Variants in MAP4 observed in about 807,000 individuals in gnomAD.
MAP4 encodes microtubule-associated protein 4.
In MAP4, 76 loss-of-function variants were observed where a neutral mutation model predicts 170.2. The observed-to-expected ratio is 0.45, with a 90% CI of 0.37 to 0.54. The LOEUF is 0.54. Ranked by LOEUF, MAP4 falls within the 20% of genes least tolerant of loss-of-function variation. The probability of loss-of-function intolerance (pLI) is 0.00; values close to 1 mark genes in which losing one functional copy is unlikely to be tolerated. For missense variants in MAP4, 2,506 were observed against 2,748.0 expected, an observed-to-expected ratio of 0.91 and a Z score of 1.97; for synonymous variants, 909 against 994.5, an observed-to-expected ratio of 0.91 and a Z score of 1.62.
intron 1 of MAP4, among the ~76,000 whole-genome samples, chr3:48,008,111 A>C (rs1347988472): frequency 1.3e-5 from 2 of 152,312 alleles, no homozygotes; most frequent in African/African-American, 4.8e-5. Flanking sequence ...GATTGTGCAC[A>C]GCAGCATTCC....
intron 3 of MAP4, among the ~76,000 whole-genome samples, chr3:47,935,557 A>G (rs1022987089): frequency 6.6e-6 from 1 of 152,094 alleles, no homozygotes; most frequent in African/African-American, 2.4e-5. Context: ...TCCCCACCGA[A>G]GAAGTAGACT....
chr3:48,072,338 C>A (rs977371433), intron 1 of MAP4, among the ~76,000 whole-genome samples: 1 of 151,860 alleles, frequency 6.6e-6, no homozygotes, highest in South Asian at 2.1e-4. Flanking sequence ...GGCAAAACTG[C>A]GTCTCTACAA....
At chr3:47,888,480 T>G (rs2098025010) in intron 10 of MAP4, among the ~76,000 whole-genome samples, 1 of 151,758 alleles carries the variant, frequency 6.6e-6, no homozygotes, top group Admixed American at 6.6e-5. Context: ...CGCGCTGCCT[T>G]AAGAGCTGTA....
At chr3:48,014,468 G>A (rs945407872) in intron 1 of MAP4, among the ~76,000 whole-genome samples, 1 of 152,104 alleles carries the variant, frequency 6.6e-6, no homozygotes, top group Non-Finnish European at 1.5e-5. Context: ...ACAGAGCTTG[G>A]GCAAAATGGC....
intron 3 of MAP4, among the ~76,000 whole-genome samples, chr3:47,939,183 C>T (rs756202315): frequency 1.3e-5 from 2 of 152,202 alleles, no homozygotes; most frequent in Non-Finnish European, 2.9e-5. Flanking sequence ...TCTCTGATGA[C>T]TTTAATGCTC....
At position 47,960,733 on chromosome 3, in the gene MAP4, T is replaced by C. The variant is rs182633690; in HGVS notation, c.292+17132A>G. 156 of 164,566 alleles carry C rather than the reference T, an allele frequency of 9.5e-4. No individual in the cohort carries two copies. In the East Asian group the frequency reaches 0.024, roughly 25 times the overall value. The allele number at this position is 164,566 out of a possible 1,614,324, so 10.2% of individuals were successfully genotyped here. Reference sequence around the variant, plus strand: ...ACACTTCAATACATCAAGAGGACATTAGCACCAATGTAAGATTCTCATGAC... The same window carrying C: ...ACACTTCAATACATCAAGAGGACATCAGCACCAATGTAAGATTCTCATGAC... On this transcript the variant is annotated intron_variant, in intron 3 of 20. Coordinates refer to ENST00000683076, the MANE Select transcript of MAP4 (RefSeq NM_001385682.1).
chr3:47,862,346 CAAAAAAAAAAAAAA>C (rs57751818), intron 17 of MAP4, among the ~76,000 whole-genome samples: 2 of 52,354 alleles, frequency 3.8e-5, no homozygotes, highest in Non-Finnish European at 8.8e-5. Flanking sequence ...GACTGTGTCT[CAAAAAAAAAAAAAA>C]AAAAAAAAAA....
chr3:47,967,281 G>A (rs774263700), intron 3 of MAP4, among the ~76,000 whole-genome samples: 4 of 152,172 alleles, frequency 2.6e-5, no homozygotes, highest in Admixed American at 6.5e-5. Flanking sequence ...GTTGCAGTGA[G>A]CCATGAACGG....
chr3:47,857,502 T>G lies in MAP4; in HGVS notation c.6512A>C (p.Gln2171Pro), dbSNP rs2058572736. Residue 2171 changes from glutamine to proline, a missense_variant, in exon 18 of 21, where the codon CAG becomes CCG. Transcript: ENST00000683076. ...HVPGGGNVQI[Q>P]NKKVDISKVS... ...CTTAGAGATGTCCACTTTCTTGTTC[T>G]GAATCTGAACCTGAAGAGAAGGACA... is the stretch of plus-strand genomic sequence containing the variant. 6.2e-7 allele frequency: 1 copy of G among 1,612,612 alleles called. No homozygotes were observed. Among genetic ancestry groups the G allele is most frequent in the Non-Finnish European group, 8.5e-7 (1 of 1,178,584 alleles).
intron 1 of MAP4, among the ~76,000 whole-genome samples, chr3:48,073,386 G>A (rs2100142025): frequency 6.6e-6 from 1 of 150,674 alleles, no homozygotes; most frequent in South Asian, 2.1e-4. Context: ...TGAGGCGGGT[G>A]GGATCACCTG....
intron 1 of MAP4, among the ~76,000 whole-genome samples, chr3:48,079,151 C>G (rs1309685644): frequency 6.6e-6 from 1 of 151,880 alleles, no homozygotes; most frequent in East Asian, 1.9e-4. Context: ...GGCAACAGAG[C>G]GAGACCCTGT....
Position 47,909,341 on chromosome 3 carries a change from A to C in MAP4, c.5080T>G (p.Ser1694Ala). Reference protein sequence around the residue: ...SVSLPTPEIQSDFLHSKVEAP... With the variant: ...SVSLPTPEIQADFLHSKVEAP... ...TCGACTTTGCTATGTAAGAAATCTG[A>C]CTGGATTTCTGGTGTTGGCAAGGAA... Residue 1694 changes from serine to alanine, a missense_variant, in exon 9 of 21, where the codon TCA becomes GCA. Physicochemically the swap from Ser to Ala is moderately conservative, Grantham distance 99. This residue lies in a region of MAP4 where 2,008 missense variants were observed against 2,206.0 expected (regional missense o/e 0.91). Transcript: ENST00000683076. 1 of 1,613,796 alleles carries C rather than the reference A, an allele frequency of 6.2e-7. No individual in the cohort carries two copies. Among genetic ancestry groups the C allele is most frequent in the Non-Finnish European group, 8.5e-7 (1 of 1,179,784 alleles).
chr3:47,877,202 A>G (rs901224449), intron 11 of MAP4: 2 of 465,638 alleles, frequency 4.3e-6, no homozygotes, highest in East Asian at 4.1e-5. Context: ...TTACAGATAT[A>G]TAAGATAATA....
rs1163683050 is a variant in MAP4 at position 48,003,157 on chromosome 3, TA to T, written c.-19-4279del. ...TAAAGAAGCTGTTGAATCTTCTCCA[TA>T]AAAAAGTAAATATGGGCCGGGCGCA... On this transcript the variant is annotated intron_variant, in intron 1 of 20. Transcript: ENST00000683076. Among the ~76,000 whole-genome samples the T allele has an allele frequency of 5.3e-5, 8 of 151,920 alleles. 1 individual carries two copies. In the East Asian group the frequency reaches 1.5e-3, roughly 29 times the overall value.
chr3:47,931,849 T>C (rs2100050022), intron 3 of MAP4: 1 of 152,046 alleles, frequency 6.6e-6, no homozygotes, highest in African/African-American at 2.4e-5. Flanking sequence ...AGGGAAAGAG[T>C]GGAACGTGGA....
At chr3:48,055,241 CCCATG>C (rs202076110) in intron 1 of MAP4, among the ~76,000 whole-genome samples, 1 of 150,450 alleles carries the variant, frequency 6.6e-6, no homozygotes, top group African/African-American at 2.4e-5. Flanking sequence ...TCTCCGTCTC[CCCATG>C]GTCTCCCTCT....
intron 3 of MAP4, among the ~76,000 whole-genome samples, chr3:47,950,841 T>C (rs1343845378): frequency 6.6e-6 from 1 of 152,172 alleles, no homozygotes; most frequent in Non-Finnish European, 1.5e-5. Flanking sequence ...CACCTGACAG[T>C]TTCGTGTTTC....
intron 5 of MAP4, 60 bp from the exon 6 acceptor site, chr3:47,918,901 T>C: frequency 1.4e-6 from 2 of 1,434,342 alleles, no homozygotes; most frequent in African/African-American, 1.4e-5. Flanking sequence ...AAACAAAAGG[T>C]ATTTGATATA....
chr3:48,008,194 G>T (rs1386370559), intron 1 of MAP4, among the ~76,000 whole-genome samples: 1 of 152,130 alleles, frequency 6.6e-6, no homozygotes, highest in African/African-American at 2.4e-5. Flanking sequence ...ATTACATGAG[G>T]AAGTGGCTCA....
Sources: gnomAD v4.1 joint callset for allele counts (sites outside exome capture counted in the v4.1 genomes callset) on GRCh38, gnomAD v4.1.1 for gene constraint, gnomAD v4.1.1 regional missense constraint, MANE v1.5 for transcripts, NCBI Gene and HGNC (gene_info 2026-07-23, HGNC 2026-07-21) for gene names.